Variants in BTBD9 observed in about 807,000 individuals in gnomAD.
The protein encoded by BTBD9 is BTB domain containing 9, also known as BTB/POZ domain-containing protein 9.
In BTBD9, 49 loss-of-function variants were observed where a neutral mutation model predicts 64.3. The ratio of observed to expected loss-of-function variants is 0.76; its 90% CI spans 0.61 to 0.97. The LOEUF (loss-of-function observed/expected upper bound fraction) is 0.97. Among genes scored for constraint, BTBD9 ranks in the 50% least tolerant of loss-of-function variants. The pLI, the probability that BTBD9 is intolerant of heterozygous loss-of-function variation, is 0.00. For synonymous variants in BTBD9, 260 were observed against 274.7 expected, an observed-to-expected ratio of 0.95 and a Z score of 0.53; for missense variants, 598 against 762.1, an observed-to-expected ratio of 0.78 and a Z score of 2.53.
intron 9 of BTBD9, among the ~76,000 whole-genome samples, chr6:38,216,566 T>C (rs1039447986): frequency 6.6e-6 from 1 of 152,188 alleles, no homozygotes; most frequent in Non-Finnish European, 1.5e-5. Flanking sequence ...TTATGTCCCA[T>C]CTCCTAAACT....
chr6:38,286,113 G>A (rs980348963), intron 8 of BTBD9, among the ~76,000 whole-genome samples: 1 of 152,154 alleles, frequency 6.6e-6, no homozygotes, highest in African/African-American at 2.4e-5. Context: ...AAGTAAGCTG[G>A]TCTGGCCTGA....
At chr6:38,519,632 G>C (rs1255652129) in intron 6 of BTBD9, among the ~76,000 whole-genome samples, 1 of 152,230 alleles carries the variant, frequency 6.6e-6, no homozygotes, top group Admixed American at 6.5e-5. Flanking sequence ...TGCTGGCAGT[G>C]CTGTGAGCAA....
At position 38,598,527 on chromosome 6, in the gene BTBD9, A is replaced by T. The variant is rs182111737; in HGVS notation, c.-27-406T>A. Among the ~76,000 whole-genome samples, 7 of 152,336 alleles carry T rather than the reference A, an allele frequency of 4.6e-5. No homozygotes were observed. The East Asian group carries it at 1.4e-3, about 29-fold the overall frequency. On this transcript the variant is annotated intron_variant, in intron 1 of 10. Transcript: ENST00000481247. Reference sequence around the variant, plus strand: ...TACCGAATAGAAAAGTCATTCAGGCACCGATCTAGGCCTAAATTACAAACA... The same window carrying T: ...TACCGAATAGAAAAGTCATTCAGGCTCCGATCTAGGCCTAAATTACAAACA...
intron 9 of BTBD9, among the ~76,000 whole-genome samples, chr6:38,237,010 A>G (rs193299159): frequency 1.0e-3 from 159 of 152,336 alleles, no homozygotes; most frequent in African/African-American, 3.6e-3. Context: ...TCTCAGGCCA[A>G]ACACACACTT....
At chr6:38,239,677 A>T (rs896811654) in intron 9 of BTBD9, among the ~76,000 whole-genome samples, 1 of 152,152 alleles carries the variant, frequency 6.6e-6, no homozygotes, top group African/African-American at 2.4e-5. Flanking sequence ...GGCAAGATTA[A>T]CCATGACACA....
At chr6:38,195,082 AC>A (rs1181023413) in intron 9 of BTBD9, among the ~76,000 whole-genome samples, 1 of 152,210 alleles carries the variant, frequency 6.6e-6, no homozygotes, top group Non-Finnish European at 1.5e-5. Flanking sequence ...GTTGGTTAGG[AC>A]AAGGAAATGA....
chr6:38,535,028 G>C (rs1773961251), intron 6 of BTBD9, among the ~76,000 whole-genome samples: 1 of 151,942 alleles, frequency 6.6e-6, no homozygotes, highest in African/African-American at 2.4e-5. Context: ...AGAGCAATCA[G>C]ATAACAGAAA....
At chr6:38,313,460 G>A (rs757227750) in intron 7 of BTBD9, among the ~76,000 whole-genome samples, 16 of 152,104 alleles carry the variant, frequency 1.1e-4, no homozygotes, top group South Asian at 2.1e-4. Flanking sequence ...TCATGTTCCC[G>A]ATCTTAGAGG....
intron 6 of BTBD9, among the ~76,000 whole-genome samples, chr6:38,441,649 T>C (rs1337459795): frequency 1.3e-5 from 2 of 152,100 alleles, no homozygotes; most frequent in Non-Finnish European, 2.9e-5. Context: ...ACTCCTGGGC[T>C]CAAGTGATCC....
At chr6:38,595,885 G>T (rs865900524) in intron 2 of BTBD9, 20 of 985,186 alleles carry the variant, frequency 2.0e-5, no homozygotes, top group Middle Eastern at 5.2e-4. Context: ...TTCTCGGGGA[G>T]ACCTCAAGAC....
At chr6:38,595,996 A>G in intron 2 of BTBD9, 1 of 985,462 alleles carries the variant, frequency 1.0e-6, no homozygotes, top group Non-Finnish European at 1.2e-6. Flanking sequence ...ATGAACCCCC[A>G]ACTTCAACAA....
rs1284046309 is a variant in BTBD9 at position 38,315,407 on chromosome 6, G to A, written c.1265-26946C>T. Among the ~76,000 whole-genome samples the A allele has an allele frequency of 2.0e-5, 3 of 151,114 alleles. No homozygotes were observed. In the East Asian group the frequency reaches 5.8e-4, roughly 29 times the overall value. On this transcript the variant is annotated intron_variant, in intron 7 of 10. Transcript: ENST00000481247. ...TTGAAGTTTTTCTTCTTTTTTTGATGCAGGCACTTAACAGCTATAAACTTC... is the reference window on the plus strand; with the variant it reads ...TTGAAGTTTTTCTTCTTTTTTTGATACAGGCACTTAACAGCTATAAACTTC...
At chr6:38,311,250 C>T (rs1582209433) in intron 7 of BTBD9, among the ~76,000 whole-genome samples, 1 of 151,906 alleles carries the variant, frequency 6.6e-6, no homozygotes, top group East Asian at 1.9e-4. Context: ...CCTACCCACC[C>T]ACTGCCTTTC....
chr6:38,193,346 G>A (rs1489187929), intron 9 of BTBD9, among the ~76,000 whole-genome samples: 3 of 152,206 alleles, frequency 2.0e-5, no homozygotes, highest in East Asian at 3.9e-4. Context: ...CCCACCATGT[G>A]AGTGATGGCA....
chr6:38,348,534 A>G (rs1333150792), intron 6 of BTBD9, among the ~76,000 whole-genome samples: 1 of 152,200 alleles, frequency 6.6e-6, no homozygotes, highest in African/African-American at 2.4e-5. Flanking sequence ...GTGCAGAGAA[A>G]GGCAGATATG....
At chr6:38,329,636 T>C (rs1380615421) in intron 7 of BTBD9, among the ~76,000 whole-genome samples, 1 of 152,072 alleles carries the variant, frequency 6.6e-6, no homozygotes, top group Non-Finnish European at 1.5e-5. Flanking sequence ...AGACTCTTAA[T>C]AGATATTGCC....
rs9462438 is a variant in BTBD9, at chr6:38,514,895, C to T, written c.1154+62705G>A. On this transcript the variant is annotated intron_variant, in intron 6 of 10. Coordinates refer to ENST00000481247, the MANE Select transcript of BTBD9 (RefSeq NM_001099272.2). ...AAGAAAGAATTTTTACAAGTGACCTCTGGTTACCCTTCAACACTGCAGACC... is the reference window on the plus strand; with the variant it reads ...AAGAAAGAATTTTTACAAGTGACCTTTGGTTACCCTTCAACACTGCAGACC... Among the ~76,000 whole-genome samples the T allele has an allele frequency of 3.3e-3, 505 of 152,296 alleles. 3 individuals carry two copies. The highest frequency in any genetic ancestry group is 0.011 in the African/African-American group (465 of 41,566).
chr6:38,195,618 A>G (rs1307710233), intron 9 of BTBD9, among the ~76,000 whole-genome samples: 1 of 152,226 alleles, frequency 6.6e-6, no homozygotes, highest in East Asian at 1.9e-4. Flanking sequence ...TGCTGACAGA[A>G]ATAACACCAG....
intron 6 of BTBD9, among the ~76,000 whole-genome samples, chr6:38,380,789 G>A (rs1485986117): frequency 6.6e-6 from 1 of 152,174 alleles, no homozygotes; most frequent in Non-Finnish European, 1.5e-5. Flanking sequence ...AGGCTGCAGT[G>A]AGCTATGATC....
Sources: allele counts gnomAD v4.1 joint callset (sites outside exome capture counted in the v4.1 genomes callset), GRCh38; gene constraint gnomAD v4.1.1; transcripts MANE v1.5; gene names NCBI Gene and HGNC (gene_info 2026-07-23, HGNC 2026-07-21).